Variants in FARS2 observed in about 807,000 individuals in gnomAD.
FARS2 encodes the protein phenylalanine--tRNA ligase, mitochondrial.
Under a neutral mutation model 46.4 loss-of-function variants are expected in FARS2, and 40 were observed. That is an observed-to-expected ratio of 0.86 (90% confidence interval 0.67 to 1.12). The LOEUF is 1.12. FARS2 is among the 50% of genes most tolerant of loss of function. The pLI, the probability that FARS2 is intolerant of heterozygous loss-of-function variation, is 0.00. For missense variants in FARS2, 513 were observed against 567.9 expected (o/e 0.90, Z 0.98); for synonymous variants, 234 against 214.9 (o/e 1.09, Z -0.78).
chr6:5,526,436 T>G (rs1288423949), intron 4 of FARS2, among the ~76,000 whole-genome samples: 1 of 152,174 alleles, frequency 6.6e-6, no homozygotes, highest in Non-Finnish European at 1.5e-5. Context: ...ATCCCTTTTA[T>G]CATTCATATA....
intron 6 of FARS2, among the ~76,000 whole-genome samples, chr6:5,717,908 C>CTCTATATATATATATATA (rs748122253): frequency 1.3e-5 from 1 of 77,724 alleles, no homozygotes; most frequent in East Asian, 2.4e-4. Flanking sequence ...AAGGTATCAG[C>CTCTATATATATATATATA]TATATATATA....
chr6:5,688,853 C>T (rs1757459191), intron 6 of FARS2, among the ~76,000 whole-genome samples: 1 of 152,128 alleles, frequency 6.6e-6, no homozygotes, highest in East Asian at 1.9e-4. Context: ...GGTTGGTAAG[C>T]TATTAATTAT....
At chr6:5,336,605 A>T (rs1248549922) in intron 1 of FARS2, among the ~76,000 whole-genome samples, 1 of 152,162 alleles carries the variant, frequency 6.6e-6, no homozygotes, top group Non-Finnish European at 1.5e-5. Context: ...CACAGCATGG[A>T]GAATGGGGTA....
At chr6:5,274,433 G>T (rs1361165130) in intron 1 of FARS2, among the ~76,000 whole-genome samples, 1 of 152,180 alleles carries the variant, frequency 6.6e-6, no homozygotes, top group Non-Finnish European at 1.5e-5. Flanking sequence ...TTCTAGGAAA[G>T]ATTTTGTTTT....
At chr6:5,717,359 G>A (rs1422985974) in intron 6 of FARS2, among the ~76,000 whole-genome samples, 3 of 142,548 alleles carry the variant, frequency 2.1e-5, no homozygotes. Flanking sequence ...ATATGTGTGT[G>A]TGTGTGTGTG....
intron 4 of FARS2, among the ~76,000 whole-genome samples, chr6:5,491,645 CT>C (rs1240402388): frequency 3.3e-5 from 5 of 152,194 alleles, no homozygotes; most frequent in Non-Finnish European, 7.3e-5. Context: ...GTTTCTTCTT[CT>C]GCATATGCCA....
chr6:5,596,781 C>G lies in FARS2; in HGVS notation c.1066-16388C>G, dbSNP rs139278772. ...GTGAATGCCCCTGCCAGGTTCTCTTCTGGCCTCTAGTAACCAGTGGAATCC... is the reference window on the plus strand; with the variant it reads ...GTGAATGCCCCTGCCAGGTTCTCTTGTGGCCTCTAGTAACCAGTGGAATCC... On this transcript the variant is annotated intron_variant, in intron 5 of 6. Coordinates refer to ENST00000274680, the MANE Select transcript of FARS2 (RefSeq NM_006567.5). Among the ~76,000 whole-genome samples, 925 of 152,314 alleles carry G rather than the reference C, an allele frequency of 6.1e-3. 11 individuals carry two copies. The highest frequency in any genetic ancestry group is 0.021 in the African/African-American group (872 of 41,574).
At chr6:5,655,085 A>G (rs1331095622) in intron 6 of FARS2, among the ~76,000 whole-genome samples, 1 of 152,164 alleles carries the variant, frequency 6.6e-6, no homozygotes, top group Admixed American at 6.5e-5. Context: ...TGAGTAGTTA[A>G]GTTTCAGGGG....
intron 1 of FARS2, among the ~76,000 whole-genome samples, chr6:5,285,939 A>G (rs1767079284): frequency 6.6e-6 from 1 of 152,132 alleles, no homozygotes; most frequent in South Asian, 2.1e-4. Context: ...ATGGTTCTTC[A>G]CTTTGCTCTG....
chr6:5,410,240 G>T (rs1354283218), intron 3 of FARS2, among the ~76,000 whole-genome samples: 1 of 149,086 alleles, frequency 6.7e-6, no homozygotes, highest in East Asian at 2.0e-4. Context: ...TGCAAACTCT[G>T]CCTCCTGGGT....
At chr6:5,591,119 A>C (rs1463990707) in intron 5 of FARS2, among the ~76,000 whole-genome samples, 1 of 152,204 alleles carries the variant, frequency 6.6e-6, no homozygotes. Flanking sequence ...GGATGAGGGA[A>C]TCTTTTGGTG....
chr6:5,611,252 T>C (rs145045280), intron 5 of FARS2, among the ~76,000 whole-genome samples: 94 of 152,108 alleles, frequency 6.2e-4, no homozygotes, highest in African/African-American at 2.2e-3. Flanking sequence ...GGGCCAGAAG[T>C]GAGGTAGGGA....
intron 5 of FARS2, among the ~76,000 whole-genome samples, chr6:5,600,515 C>T (rs1201674000): frequency 1.3e-5 from 2 of 152,192 alleles, no homozygotes; most frequent in Middle Eastern, 3.4e-3. Context: ...TCATAAAGTA[C>T]CAAACTCACC....
intron 6 of FARS2, among the ~76,000 whole-genome samples, chr6:5,757,880 AT>A (rs1290270704): frequency 6.6e-6 from 1 of 152,224 alleles, no homozygotes; most frequent in Non-Finnish European, 1.5e-5. Context: ...AATGTCTTCA[AT>A]TTTACCAACA....
At chr6:5,726,584 A>G (rs750332542) in intron 6 of FARS2, among the ~76,000 whole-genome samples, 20 of 152,202 alleles carry the variant, frequency 1.3e-4, no homozygotes, top group African/African-American at 3.9e-4. Flanking sequence ...TATTTCTGCA[A>G]TTGTCTTAAC....
chr6:5,639,131 T>C (rs1182160897), intron 6 of FARS2, among the ~76,000 whole-genome samples: 4 of 152,260 alleles, frequency 2.6e-5, no homozygotes, highest in Non-Finnish European at 5.9e-5. Flanking sequence ...ACTTAGCCTC[T>C]CTGAGCCACT....
At chr6:5,653,075 G>A (rs79452135) in intron 6 of FARS2, among the ~76,000 whole-genome samples, 67 of 152,044 alleles carry the variant, frequency 4.4e-4, no homozygotes, top group African/African-American at 1.5e-3. Flanking sequence ...CTCTTCTTAC[G>A]TCAAAGATAG....
At chr6:5,608,939 G>T (rs1347417724) in intron 5 of FARS2, among the ~76,000 whole-genome samples, 1 of 151,260 alleles carries the variant, frequency 6.6e-6, no homozygotes, top group Non-Finnish European at 1.5e-5. Flanking sequence ...ATTACATTTA[G>T]CAATCAACAG....
In FARS2 at chr6:5,734,083, G is replaced by A. The variant is rs143173100; in HGVS notation, c.1218-37208G>A. ...AATAGCTAAGGGGTTTGGGATTGCC[G>A]AAACCTGCTGTGGACAATGCCGTCC... On this transcript the variant is annotated intron_variant, in intron 6 of 6. Coordinates refer to ENST00000274680, the MANE Select transcript of FARS2 (RefSeq NM_006567.5). 4.7e-4 allele frequency among the ~76,000 whole-genome samples: 72 copies of A among 152,298 alleles called. No homozygotes were observed. In the East Asian group the frequency reaches 0.012, roughly 25 times the overall value.
Sources: allele counts gnomAD v4.1 joint callset (sites outside exome capture counted in the v4.1 genomes callset), GRCh38; gene constraint gnomAD v4.1.1; transcripts MANE v1.5; gene names NCBI Gene and HGNC (gene_info 2026-07-23, HGNC 2026-07-21).